The following ZRANB3 variants were observed in gnomAD, a reference collection of about 807,000 sequenced individuals.
ZRANB3 encodes the protein DNA annealing helicase and endonuclease ZRANB3.
ZRANB3 carries 125 observed loss-of-function variants against 133.8 expected under a neutral mutation model. That is an observed-to-expected ratio of 0.93 (90% CI 0.81 to 1.08). ZRANB3 has a LOEUF of 1.08. ZRANB3 is among the 50% of genes least tolerant of loss of function. ZRANB3 has a pLI of 0.00. For missense variants in ZRANB3, 1,229 were observed against 1,275.5 expected, an observed-to-expected ratio of 0.96 and a Z score of 0.56; for synonymous variants, 387 against 432.7, an observed-to-expected ratio of 0.89 and a Z score of 1.31.
At chr2:135,490,476 T>C (rs1692322554) in intron 2 of ZRANB3, among the ~76,000 whole-genome samples, 1 of 152,038 alleles carries the variant, frequency 6.6e-6, no homozygotes, top group Non-Finnish European at 1.5e-5. Context: ...CCAGTTAAAA[T>C]TGCTTTTATC....
chr2:135,403,229 C>A (rs1056632444), intron 2 of ZRANB3, among the ~76,000 whole-genome samples: 1 of 152,166 alleles, frequency 6.6e-6, no homozygotes, highest in Non-Finnish European at 1.5e-5. Context: ...ACAGATGGCA[C>A]CTGGAACATC....
intron 2 of ZRANB3, among the ~76,000 whole-genome samples, chr2:135,397,447 CAAA>C (rs373434643): frequency 2.6e-5 from 3 of 116,766 alleles, no homozygotes; most frequent in African/African-American, 3.3e-5. Flanking sequence ...GACCCTGACT[CAAA>C]AAAAAAAAAA....
chr2:135,529,751 G>C (rs1302142135), intron 1 of ZRANB3, among the ~76,000 whole-genome samples: 1 of 151,488 alleles, frequency 6.6e-6, no homozygotes, highest in African/African-American at 2.4e-5. Context: ...CTGACCTCAA[G>C]TAATCCTCCC....
intron 2 of ZRANB3, among the ~76,000 whole-genome samples, chr2:135,494,309 A>G (rs1319361863): frequency 6.8e-6 from 1 of 147,282 alleles, no homozygotes; most frequent in African/African-American, 2.5e-5. Flanking sequence ...CTCCGTCTCA[A>G]AAAAAAAAAA....
intron 2 of ZRANB3, among the ~76,000 whole-genome samples, chr2:135,409,252 G>T (rs1369456344): frequency 6.6e-6 from 1 of 152,148 alleles, no homozygotes; most frequent in South Asian, 2.1e-4. Context: ...AGCTATTCAT[G>T]AATGATCCAC....
At chr2:135,472,135 C>T (rs1409780082) in intron 2 of ZRANB3, among the ~76,000 whole-genome samples, 4 of 152,186 alleles carry the variant, frequency 2.6e-5, no homozygotes, top group Non-Finnish European at 5.9e-5. Context: ...AACATACTGT[C>T]ATAGATAACC....
intron 11 of ZRANB3, among the ~76,000 whole-genome samples, chr2:135,268,466 C>A (rs565528115): frequency 6.6e-6 from 1 of 152,248 alleles, no homozygotes; most frequent in East Asian, 1.9e-4. Context: ...CACGCCCAGC[C>A]AGAAATCATC....
rs984610940 is a variant in ZRANB3, at chr2:135,443,491, C to T, written c.162-52671G>A. On this transcript the variant is annotated intron_variant, in intron 2 of 20. Transcript: ENST00000264159. ...GGCACATATATACCTATGTAACAAA[C>T]CTGCACGTTGTGCACATGTACCTCA... Among the ~76,000 whole-genome samples the T allele has an allele frequency of 5.8e-4, 88 of 151,930 alleles. 2 individuals carry two copies. Among genetic ancestry groups the T allele is most frequent in the Non-Finnish European group, 1.8e-4 (12 of 67,994 alleles).
rs979885321 is a variant in ZRANB3, at chr2:135,268,891, A to G, written c.1386+71T>C. On this transcript the variant is annotated intron_variant, in intron 11 of 20. Transcript: ENST00000264159. ...CCTTTGCCTGAAAACACTAAAACTC[A>G]GCCTCTTAACTCACATTGGCTATGG... 24 of 1,423,980 alleles carry G rather than the reference A, an allele frequency of 1.7e-5. No homozygotes were observed. In the African/African-American group the frequency reaches 2.9e-4, roughly 17 times the overall value. 88.2% of individuals were successfully genotyped at this position (1,423,980 alleles called of 1,614,324 possible).
intron 3 of ZRANB3, among the ~76,000 whole-genome samples, chr2:135,370,168 T>C (rs943131493): frequency 6.6e-6 from 1 of 151,760 alleles, no homozygotes; most frequent in Admixed American, 6.6e-5. Context: ...TGTTCTATAA[T>C]CTTTTTTTTT....
intron 2 of ZRANB3, among the ~76,000 whole-genome samples, chr2:135,436,016 G>A (rs1373237550): frequency 6.6e-6 from 1 of 152,014 alleles, no homozygotes. Flanking sequence ...TTCTGTTTTC[G>A]TTGCAATTGC....
rs1693532253 is a variant in ZRANB3, at chr2:135,199,520, T to G, written c.*822A>C. 1 of 152,174 alleles carries G rather than the reference T, an allele frequency of 6.6e-6. No homozygotes were observed. The highest frequency in any genetic ancestry group is 2.1e-4 in the South Asian group (1 of 4,826). The allele number at this position is 152,174 out of a possible 1,614,324, so 9.4% of individuals were successfully genotyped here. On this transcript the variant is annotated 3_prime_UTR_variant, in exon 21 of 21. Transcript: ENST00000264159. ...ACCGTATTAGCCAGGATGGTCTCGA[T>G]CTATCTCCTGACCTCATGATCCACC...
intron 4 of ZRANB3, among the ~76,000 whole-genome samples, chr2:135,351,599 T>G (rs188075707): frequency 1.3e-5 from 2 of 152,282 alleles, no homozygotes; most frequent in Admixed American, 1.3e-4. Flanking sequence ...AAGAAAGTAA[T>G]AGGTTATTTA....
At chr2:135,283,901 G>A (rs566354399) in intron 8 of ZRANB3, among the ~76,000 whole-genome samples, 339 of 152,062 alleles carry the variant, frequency 2.2e-3, no homozygotes, top group African/African-American at 5.8e-3. Context: ...AGGACTGCTT[G>A]AGCCCGGAAG....
intron 5 of ZRANB3, 141 bp from the exon 6 acceptor site, chr2:135,345,776 C>T (rs1684891783): frequency 3.3e-6 from 2 of 611,016 alleles, no homozygotes; most frequent in South Asian, 2.1e-5. Context: ...CACTACTATT[C>T]ATCAGGGATA....
intron 8 of ZRANB3, among the ~76,000 whole-genome samples, chr2:135,290,205 C>A (rs576466489): frequency 6.6e-6 from 1 of 152,196 alleles, no homozygotes; most frequent in African/African-American, 2.4e-5. Flanking sequence ...AATGAAGTTC[C>A]CCTATATTGT....
At chr2:135,466,904 C>G (rs1404832541) in intron 2 of ZRANB3, among the ~76,000 whole-genome samples, 1 of 152,096 alleles carries the variant, frequency 6.6e-6, no homozygotes, top group Non-Finnish European at 1.5e-5. Flanking sequence ...AGTGATCCAC[C>G]TCCAATGGCC....
At chr2:135,476,231 T>C (rs1047643608) in intron 2 of ZRANB3, among the ~76,000 whole-genome samples, 2 of 152,240 alleles carry the variant, frequency 1.3e-5, no homozygotes, top group African/African-American at 4.8e-5. Context: ...AGTGGGGACA[T>C]TTTAATATGT....
At chr2:135,497,352 G>A (rs1020456008) in intron 2 of ZRANB3, among the ~76,000 whole-genome samples, 24 of 152,164 alleles carry the variant, frequency 1.6e-4, no homozygotes, top group Non-Finnish European at 2.6e-4. Flanking sequence ...ATAAAGCTAC[G>A]CTAAGAAGTA....
Sources: allele counts gnomAD v4.1 joint callset (sites outside exome capture counted in the v4.1 genomes callset), GRCh38; gene constraint gnomAD v4.1.1; transcripts MANE v1.5; gene names NCBI Gene and HGNC (gene_info 2026-07-23, HGNC 2026-07-21).